The following DNAH14 variants were observed in gnomAD, a reference collection of about 807,000 sequenced individuals.
The protein encoded by DNAH14 is axonemal beta dynein heavy chain 14.
In DNAH14, 478 loss-of-function variants were observed where a neutral mutation model predicts 520.9. That is an observed-to-expected ratio of 0.92 (90% CI 0.85 to 0.99). The LOEUF (loss-of-function observed/expected upper bound fraction) is 0.99, where lower values mean the gene tolerates loss of function less well. Among genes scored for constraint, DNAH14 ranks in the 50% least tolerant of loss-of-function variants. The pLI is 0.00. For missense variants in DNAH14, 4,831 were observed against 5,234.5 expected, an observed-to-expected ratio of 0.92 and a Z score of 2.38; for synonymous variants, 1,581 against 1,757.2, an observed-to-expected ratio of 0.90 and a Z score of 2.51.
chr1:225,335,930 C>A (rs2095022763), intron 66 of DNAH14, among the ~76,000 whole-genome samples: 1 of 139,830 alleles, frequency 7.2e-6, no homozygotes, highest in African/African-American at 2.6e-5. Flanking sequence ...TGCACATATA[C>A]CTATATATAC....
chr1:224,994,537 C>T (rs2063267585), intron 8 of DNAH14, among the ~76,000 whole-genome samples: 1 of 151,962 alleles, frequency 6.6e-6, no homozygotes, highest in Non-Finnish European at 1.5e-5. Context: ...TTTTCCATCC[C>T]TTCACTTTCA....
chr1:225,228,719 C>T (rs150702292), intron 41 of DNAH14, among the ~76,000 whole-genome samples: 31 of 152,210 alleles, frequency 2.0e-4, no homozygotes, highest in African/African-American at 6.5e-4. Flanking sequence ...ATAACCACTG[C>T]GCCTGACAAA....
chr1:225,384,217 A>G (rs2095813567), intron 81 of DNAH14, among the ~76,000 whole-genome samples: 3 of 152,132 alleles, frequency 2.0e-5, no homozygotes, highest in Admixed American at 1.3e-4. Flanking sequence ...TATTCTGCTG[A>G]TTTGGGGTGG....
intron 65 of DNAH14, among the ~76,000 whole-genome samples, chr1:225,331,833 G>T (rs1574825378): frequency 6.6e-6 from 1 of 152,124 alleles, no homozygotes; most frequent in Admixed American, 6.5e-5. Context: ...TCTCTGATGA[G>T]GCCCAAAGTA....
rs868835776 is a variant in DNAH14, at chr1:225,228,546, C to T, written c.6440-2527C>T. Among the ~76,000 whole-genome samples, 3 of 152,170 alleles carry T rather than the reference C, an allele frequency of 2.0e-5. No homozygotes were observed. In the South Asian group the frequency reaches 6.2e-4, roughly 32 times the overall value. On this transcript the variant is annotated intron_variant, in intron 41 of 85. Coordinates refer to ENST00000682510, the MANE Select transcript of DNAH14 (RefSeq NM_001367479.1). Reference sequence around the variant, plus strand: ...CCTAATCGCCGTAGATCTACATGCCCAACAAACAGCCACATGGAATGATGT... The same window carrying T: ...CCTAATCGCCGTAGATCTACATGCCTAACAAACAGCCACATGGAATGATGT...
intron 58 of DNAH14, among the ~76,000 whole-genome samples, chr1:225,305,594 G>T (rs1026757418): frequency 1.3e-5 from 2 of 152,124 alleles, no homozygotes; most frequent in African/African-American, 4.8e-5. Context: ...CCAGGAAGAT[G>T]GGGAAATGAG....
At chr1:225,003,034 A>ATC (rs1239871325) in intron 9 of DNAH14, 107 bp downstream of exon 9, 4 of 1,000,842 alleles carry the variant, frequency 4.0e-6, no homozygotes, top group Non-Finnish European at 5.5e-6. Flanking sequence ...TAAATAAACC[A>ATC]TCTCTTTCGA....
intron 36 of DNAH14, among the ~76,000 whole-genome samples, chr1:225,172,543 A>G (rs1264802790): frequency 6.6e-6 from 1 of 152,212 alleles, no homozygotes; most frequent in African/African-American, 2.4e-5. Context: ...GTACCTAGGA[A>G]TCCAACTTAC....
intron 28 of DNAH14, among the ~76,000 whole-genome samples, chr1:225,142,594 A>G (rs1361521631): frequency 6.6e-6 from 1 of 152,190 alleles, no homozygotes; most frequent in Non-Finnish European, 1.5e-5. Flanking sequence ...TAAGTGGTGC[A>G]GTACACAATA....
chr1:225,236,928 A>G (rs1056576104), intron 42 of DNAH14, among the ~76,000 whole-genome samples: 4 of 152,104 alleles, frequency 2.6e-5, no homozygotes, highest in African/African-American at 9.7e-5. Flanking sequence ...AATCATATAC[A>G]TAATCATATG....
intron 62 of DNAH14, among the ~76,000 whole-genome samples, chr1:225,323,767 G>T (rs995716449): frequency 6.6e-6 from 1 of 151,604 alleles, no homozygotes; most frequent in Non-Finnish European, 1.5e-5. Flanking sequence ...AGCCACTAGC[G>T]TCATTTTTGT....
At chr1:225,059,863 CT>C (rs2069767834) in intron 17 of DNAH14, among the ~76,000 whole-genome samples, 1 of 152,252 alleles carries the variant, frequency 6.6e-6, no homozygotes, top group African/African-American at 2.4e-5. Flanking sequence ...CCCCCACTCT[CT>C]TCTGACTTGC....
At chr1:225,205,906 G>A (rs770244413) in intron 39 of DNAH14, 65 bp from the exon 40 acceptor site, 84 of 1,339,162 alleles carry the variant, frequency 6.3e-5, no homozygotes, top group Non-Finnish European at 8.0e-5. Context: ...TAGAAAATTA[G>A]CAAGATTGTA....
chr1:225,260,227 C>T (rs937231773), intron 46 of DNAH14, among the ~76,000 whole-genome samples: 1 of 151,964 alleles, frequency 6.6e-6, no homozygotes, highest in Non-Finnish European at 1.5e-5. Flanking sequence ...TGGCAGGTGC[C>T]TGTAATCCCA....
chr1:225,078,361 A>C (rs548909121), intron 17 of DNAH14, among the ~76,000 whole-genome samples: 1 of 152,350 alleles, frequency 6.6e-6, no homozygotes, highest in Non-Finnish European at 1.5e-5. Context: ...ATACATGCCC[A>C]AAAAGTTGTA....
In DNAH14 at chr1:224,952,674, T is replaced by C; in HGVS notation, c.-29T>C. On this transcript the variant is annotated 5_prime_UTR_variant, in exon 2 of 86. Coordinates refer to ENST00000682510, the MANE Select transcript of DNAH14 (RefSeq NM_001367479.1). Reference sequence around the variant, plus strand: ...ATAATGTGAATTTTGTTACAGCCAGTTCCTTTATAGTTTTGTTCAGAAAAA... The same window carrying C: ...ATAATGTGAATTTTGTTACAGCCAGCTCCTTTATAGTTTTGTTCAGAAAAA... 1 of 1,510,680 alleles carries C rather than the reference T, an allele frequency of 6.6e-7. No individual in the cohort carries two copies. 93.6% of individuals were successfully genotyped at this position (1,510,680 alleles called of 1,614,324 possible).
At chr1:225,355,985 A>G (rs1259686100) in intron 73 of DNAH14, among the ~76,000 whole-genome samples, 2 of 152,152 alleles carry the variant, frequency 1.3e-5, no homozygotes, top group African/African-American at 4.8e-5. Context: ...TTCACATAGC[A>G]TGATGTTTTC....
intron 54 of DNAH14, among the ~76,000 whole-genome samples, chr1:225,281,908 T>C (rs2093634405): frequency 6.6e-6 from 1 of 152,148 alleles, no homozygotes; most frequent in African/African-American, 2.4e-5. Context: ...ATAATGATAG[T>C]TAACAACACT....
chr1:225,058,486 T>C (rs1184830310), intron 17 of DNAH14, among the ~76,000 whole-genome samples: 1 of 152,244 alleles, frequency 6.6e-6, no homozygotes, highest in African/African-American at 2.4e-5. Context: ...AACCAGCTCC[T>C]GGATTCATTG....
Sources: allele counts gnomAD v4.1 joint callset (sites outside exome capture counted in the v4.1 genomes callset), GRCh38; gene constraint gnomAD v4.1.1; transcripts MANE v1.5; gene names NCBI Gene and HGNC (gene_info 2026-07-23, HGNC 2026-07-21).